ARHGAP27: variants seen among roughly 807,000 people sequenced by gnomAD.
ARHGAP27 encodes the protein rho GTPase-activating protein 27.
ARHGAP27 carries 53 observed loss-of-function variants against 102.0 expected under a neutral mutation model. That is an observed-to-expected ratio of 0.52 (90% CI 0.42 to 0.65). The LOEUF is 0.65. Among genes scored for constraint, ARHGAP27 ranks in the 30% least tolerant of loss-of-function variants. The probability of loss-of-function intolerance (pLI) is 0.00; values close to 1 mark genes in which losing one functional copy is unlikely to be tolerated. For missense variants in ARHGAP27, 1,117 were observed against 1,256.2 expected (o/e 0.89, Z 1.68); for synonymous variants, 525 against 542.8 (o/e 0.97, Z 0.46).
chr17:45,401,128 G>A (rs147625864), intron 12 of ARHGAP27, among the ~76,000 whole-genome samples: 1 of 152,190 alleles, frequency 6.6e-6, no homozygotes, highest in African/African-American at 2.4e-5. Context: ...GATCACTTGA[G>A]GCCATGAGTT....
intron 12 of ARHGAP27, among the ~76,000 whole-genome samples, chr17:45,400,444 T>C (rs2046303716): frequency 6.6e-6 from 1 of 152,190 alleles, no homozygotes; most frequent in African/African-American, 2.4e-5. Context: ...CATTCAGGCC[T>C]GCCCACCTTC....
At position 45,396,011 on chromosome 17, in the gene ARHGAP27, C is replaced by T. The variant is rs2045603648; in HGVS notation, c.2358G>A (p.Ser786=). Reference sequence around the variant, plus strand: ...TGGCCGCAATGAACTGGCGGAAGTGCGAGAAGGGGAAGAGGGGCTCGGGCA... The same window carrying T: ...TGGCCGCAATGAACTGGCGGAAGTGTGAGAAGGGGAAGAGGGGCTCGGGCA... ...RELPEPLFPF[S]HFRQFIAAIK... Residue 786 remains serine (S), a synonymous_variant, in exon 18 of 20, where the codon TCG becomes TCA. Coordinates refer to ENST00000685559, the MANE Select transcript of ARHGAP27 (RefSeq NM_001282290.2). 2 of 1,612,788 alleles carry T rather than the reference C, an allele frequency of 1.2e-6. No homozygotes were observed. The highest frequency in any genetic ancestry group is 2.2e-5 in the South Asian group (2 of 90,918).
At position 45,425,634 on chromosome 17, in the gene ARHGAP27, G is replaced by C. The variant is rs62064651; in HGVS notation, c.657+3989C>G. 5,398 of 985,424 alleles carry C rather than the reference G, an allele frequency of 5.5e-3. 232 individuals are homozygous for C. The African/African-American group carries it at 0.088, about 16-fold the overall frequency. 61.0% of individuals were successfully genotyped at this position (985,424 alleles called of 1,614,324 possible). On this transcript the variant is annotated intron_variant, in intron 4 of 19. Transcript: ENST00000685559. ...CAGTCGGGGCTGCCTGCTCATGTGC[G>C]GCGCCTCCGGGGCTGCTTGTATAAG... is the stretch of plus-strand genomic sequence containing the variant.
At chr17:45,412,947 AC>A (rs2048073308) in intron 4 of ARHGAP27, among the ~76,000 whole-genome samples, 1 of 126,590 alleles carries the variant, frequency 7.9e-6, no homozygotes, top group Admixed American at 8.9e-5. Flanking sequence ...GTGTGGCACC[AC>A]GGCTCAGTAT....
At position 45,395,601 on chromosome 17, in the gene ARHGAP27, G is replaced by A; in HGVS notation, c.2525C>T (p.Ser842Leu). 2 of 1,607,582 alleles carry A rather than the reference G, an allele frequency of 1.2e-6. No individual in the cohort carries two copies. The highest frequency in any genetic ancestry group is 1.1e-5 in the South Asian group (1 of 89,596). Residue 842 changes from serine (S) to leucine (L), a missense_variant, in exon 20 of 20, where the codon TCG becomes TTG. Physicochemically the swap from Ser to Leu is moderately radical, Grantham distance 145. Around this residue, in one of 3 missense-constraint regions of ARHGAP27, gnomAD observed 493 missense variants for 505.5 expected, o/e 0.98. Transcript: ENST00000685559. ...GAACACAATGGCCACGCTCTGCACC[G>A]ACATGCGGTTCTGCTCGCCGTGCTC... is the stretch of plus-strand genomic sequence containing the variant. ...VIEHGEQNRM[S>L]VQSVAIVFGP...
intron 4 of ARHGAP27, among the ~76,000 whole-genome samples, chr17:45,421,017 A>G (rs1005739722): frequency 6.7e-6 from 1 of 148,378 alleles, no homozygotes; most frequent in Non-Finnish European, 1.5e-5. Flanking sequence ...TTGAAGGAGA[A>G]GAAATTCACT....
Position 45,395,346 on chromosome 17 carries a change from G to C in ARHGAP27, c.*110C>G, listed in dbSNP as rs2045462986. The C allele has an allele frequency of 1.5e-6, 2 of 1,350,588 alleles. No homozygotes were observed. Among genetic ancestry groups the C allele is most frequent in the Non-Finnish European group, 2.0e-6 (2 of 1,010,162 alleles). 83.7% of individuals were successfully genotyped at this position (1,350,588 alleles called of 1,614,324 possible). A position where few individuals can be genotyped will look rare whatever the true frequency, so the allele number is the denominator to read the frequency against. ...GGGTGCAGAAGTCACACCGGCCTGC[G>C]GCTATGCGCTGGCGGAGGGTCCCAG... On this transcript the variant is annotated 3_prime_UTR_variant, in exon 20 of 20. Transcript: ENST00000685559.
chr17:45,397,889 G>GC (rs957118898), intron 13 of ARHGAP27, 60 bp downstream of exon 13: 6 of 1,448,132 alleles, frequency 4.1e-6, no homozygotes, highest in Non-Finnish European at 4.8e-6. Context: ...TGAGCAGAGG[G>GC]CCCCACTCAT....
chr17:45,415,659 C>A (rs2048378318), intron 4 of ARHGAP27, among the ~76,000 whole-genome samples: 1 of 152,168 alleles, frequency 6.6e-6, no homozygotes, highest in East Asian at 1.9e-4. Context: ...TGACACTGAG[C>A]CCCATTGATC....
In ARHGAP27 at chr17:45,395,016, G is replaced by GGCACAGTGCCA. The variant is rs1007766019; in HGVS notation, c.*429_*439dup. The GGCACAGTGCCA allele has an allele frequency of 3.7e-5, 7 of 189,476 alleles. No individual in the cohort carries two copies. Among genetic ancestry groups the GGCACAGTGCCA allele is most frequent in the Admixed American group, 5.7e-5 (1 of 17,582 alleles). The allele number at this position is 189,476 out of a possible 1,614,324, so 11.7% of individuals were successfully genotyped here. ...AAGTGATCAGAGCTGCCTCATGACT[G>GGCACAGTGCCA]GCACAGTGCCAGCACAGGGCCAGGG... On this transcript the variant is annotated 3_prime_UTR_variant, in exon 20 of 20. Coordinates refer to ENST00000685559, the MANE Select transcript of ARHGAP27 (RefSeq NM_001282290.2).
Position 45,404,430 on chromosome 17 carries a change from T to C in ARHGAP27, c.1413+15A>G, listed in dbSNP as rs1262172793. On this transcript the variant is annotated intron_variant, in intron 8 of 19. Coordinates refer to ENST00000685559, the MANE Select transcript of ARHGAP27 (RefSeq NM_001282290.2). ...TGTGGTGGTCCTGCCAGGACCTCAA[T>C]GGCTCCTCCCCTACCTTCTCCTCTG... The C allele has an allele frequency of 6.2e-7, 1 of 1,614,018 alleles. No homozygotes were observed. Among genetic ancestry groups the C allele is most frequent in the Admixed American group, 1.7e-5 (1 of 60,008 alleles).
intron 14 of ARHGAP27, 53 bp from the exon 15 acceptor site, chr17:45,396,843 G>C (rs1400686383): frequency 6.2e-7 from 1 of 1,607,198 alleles, no homozygotes; most frequent in Non-Finnish European, 8.5e-7. Context: ...GGGCAGGCCA[G>C]GCAGGCCCCA....
At chr17:45,415,370 C>T (rs1317672152) in intron 4 of ARHGAP27, among the ~76,000 whole-genome samples, 6 of 152,176 alleles carry the variant, frequency 3.9e-5, no homozygotes, top group African/African-American at 1.4e-4. Flanking sequence ...GGCTCCACCT[C>T]CTCTGCCACG....
In ARHGAP27 at chr17:45,432,238, C is replaced by CG. The variant is rs1012032349; in HGVS notation, c.-174dup. The CG allele has an allele frequency of 6.4e-6, 1 of 156,992 alleles. No homozygotes were observed. Among genetic ancestry groups the CG allele is most frequent in the Non-Finnish European group, 1.4e-5 (1 of 69,514 alleles). 9.7% of individuals were successfully genotyped at this position (156,992 alleles called of 1,614,324 possible). On this transcript the variant is annotated 5_prime_UTR_variant, in exon 2 of 20. Transcript: ENST00000685559. ...CACCAGGGCCTTTCCCGGAGCAGCCCGGCCGGGCCTGGAAAAACTCCGAGC... is the reference window on the plus strand; with the variant it reads ...CACCAGGGCCTTTCCCGGAGCAGCCCGGGCCGGGCCTGGAAAAACTCCGAGC...
chr17:45,403,439 A>C (rs2046705635), intron 11 of ARHGAP27, among the ~76,000 whole-genome samples, 180 bp downstream of exon 11: 1 of 152,216 alleles, frequency 6.6e-6, no homozygotes, highest in Admixed American at 6.5e-5. Context: ...ACATGCCTGT[A>C]GTCCTAGCTA....
At chr17:45,431,469 G>A (rs1203468162) in intron 3 of ARHGAP27, among the ~76,000 whole-genome samples, 152 bp downstream of exon 3, 2 of 152,256 alleles carry the variant, frequency 1.3e-5, no homozygotes, top group Admixed American at 6.5e-5. Context: ...ACTTTGTCAA[G>A]CGTTCCTCGA....
intron 4 of ARHGAP27, among the ~76,000 whole-genome samples, chr17:45,417,791 C>T (rs1185800626): frequency 4.7e-5 from 7 of 150,278 alleles, no homozygotes; most frequent in Admixed American, 2.7e-4. Context: ...TGGTGGCTCA[C>T]GCCTGTAATC....
At position 45,402,813 on chromosome 17, in the gene ARHGAP27, C is replaced by T; in HGVS notation, c.1644G>A (p.Gln548=). 6.2e-7 allele frequency: 1 copy of T among 1,613,094 alleles called. No individual in the cohort carries two copies. Among genetic ancestry groups the T allele is most frequent in the Non-Finnish European group, 8.5e-7 (1 of 1,179,262 alleles). Residue 548 remains glutamine, a synonymous_variant, in exon 12 of 20, where the codon CAG becomes CAA. Coordinates refer to ENST00000685559, the MANE Select transcript of ARHGAP27 (RefSeq NM_001282290.2). ...SKTSAAGGLR[Q]PSKFSTPEYT... The stretch of plus-strand genomic sequence containing the variant: ...ACTCAGGGGTGGAAAACTTGGAAGG[C>T]TGCCTCTGTGGGAGAGGGAGGAAGG...
intron 4 of ARHGAP27, among the ~76,000 whole-genome samples, chr17:45,416,824 G>A (rs1397550457): frequency 6.7e-6 from 1 of 149,352 alleles, no homozygotes; most frequent in East Asian, 2.1e-4. Context: ...TGGGATTACA[G>A]GCGTGAGCCA....
Sources: gnomAD v4.1 joint callset for allele counts (sites outside exome capture counted in the v4.1 genomes callset) on GRCh38, gnomAD v4.1.1 for gene constraint, gnomAD v4.1.1 regional missense constraint, MANE v1.5 for transcripts, NCBI Gene and HGNC (gene_info 2026-07-23, HGNC 2026-07-21) for gene names.